PODNL1: variants seen among roughly 807,000 people sequenced by gnomAD.
PODNL1 encodes the protein podocan like 1.
Under a neutral mutation model 45.1 loss-of-function variants are expected in PODNL1, and 50 were observed. That is an observed-to-expected ratio of 1.11 (90% CI 0.88 to 1.40). The LOEUF (loss-of-function observed/expected upper bound fraction) is 1.40, where lower values mean the gene tolerates loss of function less well. Ranked by LOEUF, PODNL1 falls within the 40% of genes most tolerant of loss-of-function variation. The probability of loss-of-function intolerance (pLI) is 0.00; values close to 1 mark genes in which losing one functional copy is unlikely to be tolerated. For synonymous variants in PODNL1, 406 were observed against 372.5 expected (o/e 1.09, Z -1.04); for missense variants, 788 against 793.3 (o/e 0.99, Z 0.08).
intron 1 of PODNL1, chr19:13,953,052 C>A: frequency 2.6e-6 from 4 of 1,536,394 alleles, no homozygotes; most frequent in Non-Finnish European, 3.5e-6. Flanking sequence ...TGGCTTTGGG[C>A]TTCCTCCGCC....
intron 3 of PODNL1, 128 bp downstream of exon 3, chr19:13,936,238 TG>T: frequency 9.5e-7 from 1 of 1,054,078 alleles, no homozygotes; most frequent in African/African-American, 1.6e-5. Context: ...GTTTCCATCC[TG>T]CTCAGCAAAG....
chr19:13,947,782 C>T (rs570346679), intron 1 of PODNL1, among the ~76,000 whole-genome samples: 9 of 152,286 alleles, frequency 5.9e-5, no homozygotes, highest in African/African-American at 9.6e-5. Context: ...CTCTCCTTGC[C>T]CCTATCCCAA....
Position 13,933,458 on chromosome 19 carries a change from G to GAA in PODNL1, c.768-4_768-3insTT. On this transcript the variant is annotated splice_polypyrimidine_tract_variant and splice_region_variant and intron_variant, in intron 7 of 9. Coordinates refer to ENST00000588872, the MANE Select transcript of PODNL1 (RefSeq NM_001370095.3). This position sits in a 1 kb window ranked among gnomAD's most constrained non-coding sequence, Gnocchi z 5.2. Reference sequence around the variant, plus strand: ...GGTATTCAAGGCTATGCAGCTTGCTGGAAGGAGAGAGGGTCGGTGTTAGGT... The same window carrying GAA: ...GGTATTCAAGGCTATGCAGCTTGCTGAAGAAGGAGAGAGGGTCGGTGTTAGGT... 1 of 1,556,020 alleles carries GAA rather than the reference G, an allele frequency of 6.4e-7. No homozygotes were observed. The highest frequency in any genetic ancestry group is 8.7e-7 in the Non-Finnish European group (1 of 1,153,106).
chr19:13,946,396 C>T (rs747044689), intron 1 of PODNL1, among the ~76,000 whole-genome samples: 1 of 151,668 alleles, frequency 6.6e-6, no homozygotes, highest in Admixed American at 6.6e-5. Context: ...AGCCATTACA[C>T]TCCAGCCTGG....
At chr19:13,945,384 G>A (rs1972782260) in intron 1 of PODNL1, among the ~76,000 whole-genome samples, 1 of 151,950 alleles carries the variant, frequency 6.6e-6, no homozygotes, top group Non-Finnish European at 1.5e-5. Flanking sequence ...GTTGGGCAAG[G>A]TGGCTCACGG....
intron 8 of PODNL1, 198 bp downstream of exon 8, chr19:13,932,600 C>A: frequency 7.0e-7 from 1 of 1,423,192 alleles, no homozygotes. Flanking sequence ...AAGCGATTCT[C>A]CTGCCTTGGC....
At chr19:13,932,590 A>C (rs753357025) in intron 8 of PODNL1, 304 of 1,373,460 alleles carry the variant, frequency 2.2e-4, no homozygotes, top group Non-Finnish European at 2.9e-4. Flanking sequence ...CCATAGCCTA[A>C]AGCGATTCTC....
chr19:13,951,049 CAAA>C lies in PODNL1; in HGVS notation c.18+2067_18+2069del, dbSNP rs59269074. ...GGGCAACAAGAGCAAAACTCCATCT[CAAA>C]AAAAAAAAAAAAAAAAAAGATATGT... On this transcript the variant is annotated intron_variant, in intron 1 of 7. Coordinates refer to the PODNL1 transcript ENST00000538371. 5.9e-3 allele frequency among the ~76,000 whole-genome samples: 393 copies of C among 66,646 alleles called. 2 individuals carry two copies. Among genetic ancestry groups the C allele is most frequent in the African/African-American group, 0.022 (370 of 16,704 alleles). The allele number at this position is 66,646 out of a possible 152,430, so 43.7% of individuals were successfully genotyped here.
chr19:13,952,938 A>G, intron 1 of PODNL1: 1 of 879,368 alleles, frequency 1.1e-6, no homozygotes, highest in Non-Finnish European at 1.7e-6. Flanking sequence ...CAGAGGCCGC[A>G]GGGAGAATCA....
chr19:13,942,706 C>T (rs534124740), upstream of PODNL1, among the ~76,000 whole-genome samples: 18 of 152,154 alleles, frequency 1.2e-4, no homozygotes, highest in African/African-American at 2.7e-4. Flanking sequence ...ATTGGCTGTG[C>T]GCCCCTGTGG....
rs74630002 is a variant in PODNL1 at position 13,951,345 on chromosome 19, A to G, written c.18+1774T>C. Among the ~76,000 whole-genome samples, 1,383 of 152,184 alleles carry G rather than the reference A, an allele frequency of 9.1e-3. 23 individuals are homozygous for G. The highest frequency in any genetic ancestry group is 0.031 in the African/African-American group (1,295 of 41,512). On this transcript the variant is annotated intron_variant, in intron 1 of 7. Coordinates refer to the PODNL1 transcript ENST00000538371. The stretch of plus-strand genomic sequence containing the variant: ...TATCTTCTAGATTGTTCAGAGGATT[A>G]AATGGGCTGGCCAGGGGTGGGGGCT...
chr19:13,933,250 C>T lies in PODNL1; in HGVS notation c.973G>A (p.Ala325Thr), dbSNP rs981742518. The T allele has an allele frequency of 6.5e-7, 1 of 1,549,156 alleles. No individual in the cohort carries two copies. Among genetic ancestry groups the T allele is most frequent in the South Asian group, 1.2e-5 (1 of 85,342 alleles). ...TGCAGGCCCCGCAGCGGCCGCAGAG[C>T]CCCGGCGGGCAGCCCTGAGCTCCCC... ...QLGSSGLPAG[A>T]LRPLRGLHTL... The change falls in exon 8 of 10, where the codon GCT (alanine) becomes ACT (threonine). Residue 325 changes from alanine (A) to threonine (T), a missense_variant. By Grantham distance (58) the Ala-to-Thr change is moderately conservative (BLOSUM62 0). Coordinates refer to ENST00000588872, the MANE Select transcript of PODNL1 (RefSeq NM_001370095.3). The surrounding 1 kb of genome is among the most constrained non-coding windows in gnomAD (Gnocchi z 5.2).
chr19:13,933,833 C>T lies in PODNL1; in HGVS notation c.767+45G>A, dbSNP rs1253465198. 9.3e-6 allele frequency: 14 copies of T among 1,509,742 alleles called. No individual in the cohort carries two copies. The South Asian group carries it at 1.2e-4, about 13-fold the overall frequency. The allele number at this position is 1,509,742 out of a possible 1,614,324, so 93.5% of individuals were successfully genotyped here. A position where few individuals can be genotyped will look rare whatever the true frequency, so the allele number is the denominator to read the frequency against. On this transcript the variant is annotated intron_variant, in intron 7 of 9. Transcript: ENST00000588872. The surrounding 1 kb of genome is among the most constrained non-coding windows in gnomAD (Gnocchi z 5.2). ...AAGGGGGACTGAAGGTTGGGACCCCCGACTGTAAATTCTCAGCCCCTGCTG... is the reference window on the plus strand; with the variant it reads ...AAGGGGGACTGAAGGTTGGGACCCCTGACTGTAAATTCTCAGCCCCTGCTG...
rs1972122567 is a variant in PODNL1, at chr19:13,933,682, G to A, written c.767+196C>T. 1.3e-5 allele frequency among the ~76,000 whole-genome samples: 2 copies of A among 152,134 alleles called. No individual in the cohort carries two copies. The highest frequency in any genetic ancestry group is 2.9e-5 in the Non-Finnish European group (2 of 68,030). ...GACCAGGGTAGAGCCGAGATGGAAAGGCATGTGAGACTTACGATGTCAGTG... is the reference window on the plus strand; with the variant it reads ...GACCAGGGTAGAGCCGAGATGGAAAAGCATGTGAGACTTACGATGTCAGTG... On this transcript the variant is annotated intron_variant, in intron 7 of 9. Coordinates refer to ENST00000588872, the MANE Select transcript of PODNL1 (RefSeq NM_001370095.3). The surrounding 1 kb of genome is among the most constrained non-coding windows in gnomAD (Gnocchi z 5.2).
chr19:13,940,791 G>A (rs1461710491), upstream of PODNL1, among the ~76,000 whole-genome samples: 4 of 152,174 alleles, frequency 2.6e-5, no homozygotes, highest in Non-Finnish European at 5.9e-5. Flanking sequence ...GGCTGAGGCA[G>A]GAAAATGGCT....
intron 1 of PODNL1, among the ~76,000 whole-genome samples, chr19:13,948,193 C>T (rs1049451501): frequency 6.7e-6 from 1 of 148,726 alleles, no homozygotes; most frequent in African/African-American, 2.6e-5. Flanking sequence ...ATTTTCTTTT[C>T]TTTTCTTTTC....
chr19:13,946,515 C>T (rs1346149706), intron 1 of PODNL1, among the ~76,000 whole-genome samples: 1 of 151,998 alleles, frequency 6.6e-6, no homozygotes, highest in Non-Finnish European at 1.5e-5. Context: ...GTTAGGACCA[C>T]AAGGAAAATT....
intron 1 of PODNL1, among the ~76,000 whole-genome samples, chr19:13,952,110 G>C (rs772842630): frequency 2.0e-5 from 3 of 152,262 alleles, no homozygotes; most frequent in Non-Finnish European, 4.4e-5. Flanking sequence ...GCAGCCCGGG[G>C]CTGAGGATTC....
At chr19:13,947,694 A>T (rs1466758340) in intron 1 of PODNL1, among the ~76,000 whole-genome samples, 2 of 152,110 alleles carry the variant, frequency 1.3e-5, no homozygotes, top group Admixed American at 6.6e-5. Flanking sequence ...ACTTCTCCCT[A>T]GTCTTCCTCA....
Sources: gnomAD v4.1 joint callset for allele counts (sites outside exome capture counted in the v4.1 genomes callset) on GRCh38, gnomAD v4.1.1 for gene constraint, Gnocchi (gnomAD v3.1) non-coding constraint, MANE v1.5 for transcripts, NCBI Gene and HGNC (gene_info 2026-07-23, HGNC 2026-07-21) for gene names.